The following OPHN1 variants were observed in gnomAD, a reference collection of about 807,000 sequenced individuals.
The protein encoded by OPHN1 is oligophrenin-1.
In OPHN1, 11 loss-of-function variants were observed where a neutral mutation model predicts 60.7. The ratio of observed to expected loss-of-function variants is 0.18; its 90% confidence interval spans 0.11 to 0.30. The LOEUF (loss-of-function observed/expected upper bound fraction) is 0.30, where lower values mean the gene tolerates loss of function less well. Ranked by LOEUF, OPHN1 falls within the 10% of genes least tolerant of loss-of-function variation. The pLI is 1.00. For missense variants in OPHN1, 449 were observed against 611.0 expected (o/e 0.73, Z 2.80); for synonymous variants, 226 against 222.6 (o/e 1.02, Z -0.14).
chrX:68,210,299 A>G lies in OPHN1; in HGVS notation c.703-17T>C. 8.4e-7 allele frequency: 1 copy of G among 1,196,410 alleles called. No individual in the cohort carries two copies. The highest frequency in any genetic ancestry group is 1.1e-6 in the Non-Finnish European group (1 of 882,658). On this transcript the variant is annotated splice_polypyrimidine_tract_variant and intron_variant, in intron 8 of 24. Transcript: ENST00000355520. ...ATTTCTTGTCTGTCAAGACATCATC[A>G]TGAAAATCATTATTATCATCATCAT...
At chrX:68,109,370 G>C (rs1232481327) in intron 18 of OPHN1, among the ~76,000 whole-genome samples, 3 of 111,015 alleles carry the variant, frequency 2.7e-5, no homozygotes, top group Admixed American at 9.6e-5. Context: ...TTTTATGGCT[G>C]AATAATATTC....
chrX:68,391,442 C>T lies in OPHN1; in HGVS notation c.154+41425G>A, dbSNP rs770927957. On this transcript the variant is annotated intron_variant, in intron 2 of 24. Transcript: ENST00000355520. Reference sequence around the variant, plus strand: ...ACAAAGGGGCATTCAGTAAAGCATACGTTTTTGTCTTACCCTTGTCCGTCA... The same window carrying T: ...ACAAAGGGGCATTCAGTAAAGCATATGTTTTTGTCTTACCCTTGTCCGTCA... 3.6e-5 allele frequency among the ~76,000 whole-genome samples: 4 copies of T among 111,053 alleles called. No individual in the cohort carries two copies. The South Asian group carries it at 1.5e-3, about 43-fold the overall frequency.
intron 2 of OPHN1, among the ~76,000 whole-genome samples, chrX:68,398,343 C>T (rs1349445328): frequency 8.9e-6 from 1 of 112,021 alleles, no homozygotes; most frequent in East Asian, 2.8e-4. Flanking sequence ...TAATTGTTTT[C>T]AGCTGCAACT....
intron 5 of OPHN1, among the ~76,000 whole-genome samples, chrX:68,266,336 G>C (rs1311486812): frequency 8.9e-6 from 1 of 111,952 alleles, no homozygotes; most frequent in Non-Finnish European, 1.9e-5. Context: ...TCGCTCGGCA[G>C]AAACTCTAGA....
chrX:68,291,042 G>T, intron 3 of OPHN1, among the ~76,000 whole-genome samples: 1 of 111,442 alleles, frequency 9.0e-6, no homozygotes, highest in East Asian at 2.8e-4. Context: ...AATGAAAACT[G>T]CCTAAGATCA....
intron 15 of OPHN1, among the ~76,000 whole-genome samples, chrX:68,176,946 G>T (rs2077416743): frequency 2.0e-5 from 2 of 100,131 alleles, no homozygotes; most frequent in South Asian, 8.7e-4. Flanking sequence ...AAGAATGAAT[G>T]AACAATACAT....
At position 68,402,068 on chromosome X, in the gene OPHN1, T is replaced by C. The variant is rs746088645; in HGVS notation, c.154+30799A>G. Reference sequence around the variant, plus strand: ...TTTCAAACAGTTCATCTGGAATCAGTATGGAATGAACCGAAGGAGAAAGGG... The same window carrying C: ...TTTCAAACAGTTCATCTGGAATCAGCATGGAATGAACCGAAGGAGAAAGGG... On this transcript the variant is annotated intron_variant, in intron 2 of 24. Transcript: ENST00000355520. 5.7e-4 allele frequency among the ~76,000 whole-genome samples: 64 copies of C among 111,374 alleles called. 1 individual carries two copies. Among genetic ancestry groups the C allele is most frequent in the Non-Finnish European group, 4.5e-4 (24 of 53,149 alleles).
chrX:68,266,418 C>T (rs1333115698), intron 5 of OPHN1, among the ~76,000 whole-genome samples: 1 of 111,164 alleles, frequency 9.0e-6, no homozygotes, highest in African/African-American at 3.3e-5. Context: ...ATTTCATATC[C>T]AGCCAAACTA....
intron 15 of OPHN1, among the ~76,000 whole-genome samples, chrX:68,140,175 C>T (rs1026825969): frequency 2.7e-5 from 3 of 111,472 alleles, no homozygotes; most frequent in Admixed American, 9.5e-5. Flanking sequence ...GTAGTCAACC[C>T]AAACTGTTAC....
intron 2 of OPHN1, among the ~76,000 whole-genome samples, chrX:68,349,396 A>T (rs1343826090): frequency 1.8e-5 from 2 of 111,909 alleles, no homozygotes; most frequent in African/African-American, 6.5e-5. Context: ...ATCATTAAAA[A>T]GTCAGGAAAT....
At chrX:68,400,732 G>C (rs1176951047) in intron 2 of OPHN1, among the ~76,000 whole-genome samples, 1 of 108,996 alleles carries the variant, frequency 9.2e-6, no homozygotes, top group African/African-American at 3.3e-5. Flanking sequence ...CCCCTGAGTG[G>C]CTGGGATTAC....
chrX:68,159,457 C>T (rs1300812697), intron 15 of OPHN1, among the ~76,000 whole-genome samples: 1 of 111,800 alleles, frequency 8.9e-6, no homozygotes, highest in Non-Finnish European at 1.9e-5. Flanking sequence ...AACAATTACT[C>T]AGGGATAACA....
chrX:68,311,066 G>A (rs917038166), intron 2 of OPHN1, among the ~76,000 whole-genome samples: 8 of 110,618 alleles, frequency 7.2e-5, no homozygotes, highest in Admixed American at 1.9e-4. Context: ...ACCAGCCTGG[G>A]CAACATTGTG....
chrX:68,298,029 T>C (rs1401981247), intron 3 of OPHN1, among the ~76,000 whole-genome samples: 1 of 111,828 alleles, frequency 8.9e-6, no homozygotes, highest in Non-Finnish European at 1.9e-5. Context: ...TTAATAATAA[T>C]ACATTTTCAC....
At chrX:68,406,049 G>A (rs768879033) in intron 2 of OPHN1, among the ~76,000 whole-genome samples, 1 of 108,699 alleles carries the variant, frequency 9.2e-6, no homozygotes, top group South Asian at 4.1e-4. Flanking sequence ...TCAGGAGGCT[G>A]AGGCACAAGA....
intron 12 of OPHN1, among the ~76,000 whole-genome samples, chrX:68,196,313 C>T (rs141414914): frequency 8.9e-6 from 1 of 112,038 alleles, no homozygotes; most frequent in Non-Finnish European, 1.9e-5. Context: ...TCATTCAGAT[C>T]GGCTAGCACA....
At chrX:68,070,619 TGTGTTCCATTTGGCACAGCAA>T in intron 20 of OPHN1, 1 of 708,567 alleles carries the variant, frequency 1.4e-6, no homozygotes. Context: ...TTTTATCCTC[TGTGTTCCATTTGGCACAGCAA>T]GTGGCAGTGT....
chrX:68,430,454 C>T (rs1048441534), intron 2 of OPHN1, among the ~76,000 whole-genome samples: 2 of 111,624 alleles, frequency 1.8e-5, no homozygotes, highest in African/African-American at 6.5e-5. Flanking sequence ...TCTAGAATAT[C>T]TCTTGGATCT....
chrX:68,399,856 G>T (rs973039981), intron 2 of OPHN1, among the ~76,000 whole-genome samples: 1 of 95,631 alleles, frequency 1.0e-5, no homozygotes, highest in Non-Finnish European at 2.1e-5. Flanking sequence ...ACAGAGTTTC[G>T]CTCTCATTGC....
Sources: gnomAD v4.1 joint callset for allele counts (sites outside exome capture counted in the v4.1 genomes callset) on GRCh38, gnomAD v4.1.1 for gene constraint, MANE v1.5 for transcripts, NCBI Gene and HGNC (gene_info 2026-07-23, HGNC 2026-07-21) for gene names.